CSMD3: variants seen among roughly 807,000 people sequenced by gnomAD.
The protein encoded by CSMD3 is CUB and Sushi multiple domains 3.
In CSMD3, 177 loss-of-function variants were observed where a neutral mutation model predicts 435.2. The observed-to-expected ratio is 0.41, with a 90% CI of 0.36 to 0.46. The LOEUF (loss-of-function observed/expected upper bound fraction) is 0.46, where lower values mean the gene tolerates loss of function less well. Ranked by LOEUF, CSMD3 falls within the 20% of genes least tolerant of loss-of-function variation. CSMD3 has a pLI of 0.34. For synonymous variants in CSMD3, 1,656 were observed against 1,520.5 expected, an observed-to-expected ratio of 1.09 and a Z score of -2.07; for missense variants, 4,265 against 4,504.6, an observed-to-expected ratio of 0.95 and a Z score of 1.52.
Position 113,186,445 on chromosome 8 carries a change from T to C in CSMD3, c.515-12529A>G, listed in dbSNP as rs550111824. 2.0e-5 allele frequency among the ~76,000 whole-genome samples: 3 copies of C among 152,092 alleles called. No individual in the cohort carries two copies. In the South Asian group the frequency reaches 6.2e-4, roughly 32 times the overall value. ...GCCTTTCAAACAGGATGTTGTACAT[T>C]TACCTTTGAACCACCGTCTATAAAC... is the stretch of plus-strand genomic sequence containing the variant. On this transcript the variant is annotated intron_variant, in intron 3 of 70. Coordinates refer to ENST00000297405, the MANE Select transcript of CSMD3 (RefSeq NM_198123.2).
At chr8:113,311,964 G>A (rs1417211159) in intron 2 of CSMD3, 3 of 151,944 alleles carry the variant, frequency 2.0e-5, no homozygotes, top group Non-Finnish European at 2.9e-5. Context: ...TAAATTTGTA[G>A]CTTACCTTTC....
chr8:112,410,688 GTA>G (rs376316946), intron 32 of CSMD3, among the ~76,000 whole-genome samples: 5,992 of 124,872 alleles, frequency 0.048, 274 homozygotes, highest in East Asian at 0.1. Flanking sequence ...ATATATATAT[GTA>G]TATATATATG....
At chr8:112,281,935 G>T (rs1271030315) in intron 58 of CSMD3, among the ~76,000 whole-genome samples, 1 of 151,940 alleles carries the variant, frequency 6.6e-6, no homozygotes, top group Non-Finnish European at 1.5e-5. Flanking sequence ...TTTTCATTAA[G>T]TTTCAATATA....
At chr8:113,399,106 T>TATATACATATATACAC (rs773585004) in intron 1 of CSMD3, among the ~76,000 whole-genome samples, 1 of 95,096 alleles carries the variant, frequency 1.1e-5, no homozygotes, top group African/African-American at 4.5e-5. Flanking sequence ...TATATATATA[T>TATATACATATATACAC]ACACACACAC....
At chr8:112,611,014 A>G (rs1292485422) in intron 22 of CSMD3, among the ~76,000 whole-genome samples, 2 of 152,222 alleles carry the variant, frequency 1.3e-5, no homozygotes, top group African/African-American at 4.8e-5. Flanking sequence ...AAAATGTGAC[A>G]TTATAGATGA....
chr8:113,016,626 A>T (rs571445843), intron 6 of CSMD3, among the ~76,000 whole-genome samples: 1 of 151,994 alleles, frequency 6.6e-6, no homozygotes, highest in East Asian at 1.9e-4. Flanking sequence ...GTTACTGAGT[A>T]CTCGGTAAAT....
intron 4 of CSMD3, among the ~76,000 whole-genome samples, chr8:113,126,304 A>T (rs1022983340): frequency 1.3e-5 from 2 of 151,940 alleles, no homozygotes; most frequent in Non-Finnish European, 2.9e-5. Context: ...AGAAGGAAAA[A>T]CTACAGACTT....
At chr8:112,933,622 A>T (rs1286179083) in intron 9 of CSMD3, among the ~76,000 whole-genome samples, 1 of 152,184 alleles carries the variant, frequency 6.6e-6, no homozygotes, top group Admixed American at 6.5e-5. Context: ...TGAATAAGTC[A>T]CAGTGAATGT....
Position 112,984,529 on chromosome 8 carries a change from T to C in CSMD3, c.1031-8381A>G, listed in dbSNP as rs138066926. On this transcript the variant is annotated intron_variant, in intron 6 of 70. Transcript: ENST00000297405. The stretch of plus-strand genomic sequence containing the variant: ...TCTTTGACTCTTTCTACTCTAGAAG[T>C]AGAAAGTTGGATCCTCAGGGTGATA... Among the ~76,000 whole-genome samples the C allele has an allele frequency of 2.0e-3, 310 of 152,212 alleles. 1 individual carries two copies. Among genetic ancestry groups the C allele is most frequent in the Non-Finnish European group, 2.6e-3 (180 of 67,974 alleles).
intron 10 of CSMD3, among the ~76,000 whole-genome samples, chr8:112,883,175 T>A (rs1025456044): frequency 6.6e-6 from 1 of 151,934 alleles, no homozygotes; most frequent in Non-Finnish European, 1.5e-5. Flanking sequence ...GATCTTCCAA[T>A]TTTTCAAAGA....
At chr8:113,075,036 G>A (rs1056720597) in intron 5 of CSMD3, among the ~76,000 whole-genome samples, 5 of 151,446 alleles carry the variant, frequency 3.3e-5, no homozygotes, top group Non-Finnish European at 7.4e-5. Context: ...CATTTTCATG[G>A]CTAAAATGAT....
chr8:113,048,111 G>C (rs1370777480), intron 5 of CSMD3, among the ~76,000 whole-genome samples: 1 of 134,860 alleles, frequency 7.4e-6, no homozygotes, highest in East Asian at 2.1e-4. Flanking sequence ...TTTTGAGACC[G>C]AGACCGAGTC....
intron 38 of CSMD3, among the ~76,000 whole-genome samples, chr8:112,361,572 C>CATATATATATAT (rs4030099): frequency 3.6e-4 from 39 of 107,156 alleles, no homozygotes; most frequent in East Asian, 8.1e-4. Flanking sequence ...TATACACATA[C>CATATATATATAT]ATATATATAT....
intron 30 of CSMD3, among the ~76,000 whole-genome samples, chr8:112,496,202 C>A (rs890043284): frequency 6.6e-6 from 1 of 152,112 alleles, no homozygotes; most frequent in Non-Finnish European, 1.5e-5. Context: ...ATCTCCTGAC[C>A]TCATGATCCA....
chr8:112,857,113 T>TGTGTGTGTGTGTGTGTG (rs2080684135), intron 11 of CSMD3, among the ~76,000 whole-genome samples: 1 of 151,766 alleles, frequency 6.6e-6, no homozygotes, highest in African/African-American at 2.4e-5. Context: ...TGTCTGTGTG[T>TGTGTGTGTGTGTGTGTG]TTGAACTAGG....
chr8:112,379,351 C>T (rs944190858), intron 38 of CSMD3, among the ~76,000 whole-genome samples: 2 of 152,022 alleles, frequency 1.3e-5, no homozygotes, highest in Non-Finnish European at 2.9e-5. Context: ...CACAAGTAAT[C>T]CCAGCTACTT....
chr8:112,750,287 ATAATTTTATAAC>A (rs1454963147), intron 13 of CSMD3, among the ~76,000 whole-genome samples: 1 of 151,520 alleles, frequency 6.6e-6, no homozygotes, highest in Non-Finnish European at 1.5e-5. Context: ...TATAAAATGT[ATAATTTTATAAC>A]TAATTTTATA....
At chr8:112,347,627 C>A (rs1162790138) in intron 40 of CSMD3, among the ~76,000 whole-genome samples, 2 of 152,164 alleles carry the variant, frequency 1.3e-5, no homozygotes, top group Non-Finnish European at 2.9e-5. Context: ...TATAATCAAG[C>A]TCTAAAGATA....
intron 63 of CSMD3, among the ~76,000 whole-genome samples, chr8:112,249,537 C>G (rs1015472564): frequency 1.3e-5 from 2 of 152,090 alleles, no homozygotes; most frequent in Non-Finnish European, 2.9e-5. Flanking sequence ...CCATTTCTCA[C>G]TTCATGATCC....
Sources: allele counts gnomAD v4.1 joint callset (sites outside exome capture counted in the v4.1 genomes callset), GRCh38; gene constraint gnomAD v4.1.1; transcripts MANE v1.5; gene names NCBI Gene and HGNC (gene_info 2026-07-23, HGNC 2026-07-21).